The following KATNB1 variants were observed in gnomAD, a reference collection of about 807,000 sequenced individuals.
The protein encoded by KATNB1 is katanin p80 WD40 repeat-containing subunit B1.
Under a neutral mutation model 82.3 loss-of-function variants are expected in KATNB1, and 38 were observed. The observed-to-expected ratio is 0.46, with a 90% CI of 0.36 to 0.61. The LOEUF (loss-of-function observed/expected upper bound fraction) is 0.61. Among genes scored for constraint, KATNB1 ranks in the 20% least tolerant of loss-of-function variants. The pLI, the probability that KATNB1 is intolerant of heterozygous loss-of-function variation, is 0.00. For synonymous variants in KATNB1, 361 were observed against 368.7 expected, an observed-to-expected ratio of 0.98 and a Z score of 0.24; for missense variants, 749 against 915.7, an observed-to-expected ratio of 0.82 and a Z score of 2.35.
intron 4 of KATNB1, among the ~76,000 whole-genome samples, chr16:57,750,068 C>T (rs782085010): frequency 3.9e-4 from 60 of 152,334 alleles, no homozygotes; most frequent in Non-Finnish European, 7.5e-4. Context: ...AATACCACCT[C>T]CTCCATAAAG....
intron 4 of KATNB1, among the ~76,000 whole-genome samples, chr16:57,745,758 T>G (rs2049179747): frequency 6.6e-6 from 1 of 151,800 alleles, no homozygotes; most frequent in South Asian, 2.1e-4. Flanking sequence ...CTATTTCTTT[T>G]TAATAACTTG....
intron 13 of KATNB1, 105 bp from the exon 14 acceptor site, chr16:57,754,825 C>T: frequency 8.4e-7 from 1 of 1,187,590 alleles, no homozygotes; most frequent in South Asian, 1.3e-5. Context: ...CATGCTCCTG[C>T]TCCATCCCCC....
Position 57,756,589 on chromosome 16 carries a change from T to C in KATNB1, c.1835+117T>C, listed in dbSNP as rs183705389. 8.9e-5 allele frequency: 106 copies of C among 1,185,870 alleles called. No individual in the cohort carries two copies. The East Asian group carries it at 2.0e-3, about 22-fold the overall frequency. The allele number at this position is 1,185,870 out of a possible 1,614,324, so 73.5% of individuals were successfully genotyped here. On this transcript the variant is annotated intron_variant, in intron 19 of 19. Coordinates refer to ENST00000379661, the MANE Select transcript of KATNB1 (RefSeq NM_005886.3). ...GCTGGGACAGAGTACAGAGGAGGCG[T>C]TGGTCTGGGGCCATGGCTCAGGGTG...
At chr16:57,754,139 G>A (rs1015691717) in intron 13 of KATNB1, 144 bp downstream of exon 13, 2 of 703,612 alleles carry the variant, frequency 2.8e-6, no homozygotes, top group Middle Eastern at 2.4e-4. Flanking sequence ...CTGGGTCTCT[G>A]CCCTCTGCCT....
At position 57,755,645 on chromosome 16, in the gene KATNB1, A is replaced by G. The variant is rs2049270248; in HGVS notation, c.1566+151A>G. ...CGTCACACCATCTGTTTCCGCCATC[A>G]TCATCATCATCACAGACTGCCGTTT... On this transcript the variant is annotated intron_variant, in intron 16 of 19. Transcript: ENST00000379661. 9.2e-6 allele frequency: 10 copies of G among 1,088,534 alleles called. No homozygotes were observed. In the South Asian group the frequency reaches 1.2e-4, roughly 14 times the overall value. The allele number at this position is 1,088,534 out of a possible 1,614,324, so 67.4% of individuals were successfully genotyped here. A position where few individuals can be genotyped will look rare whatever the true frequency, so the allele number is the denominator to read the frequency against.
chr16:57,747,379 G>C (rs2049191198), intron 4 of KATNB1, among the ~76,000 whole-genome samples: 2 of 152,212 alleles, frequency 1.3e-5, no homozygotes, highest in East Asian at 1.9e-4. Flanking sequence ...GTTGGCGGCA[G>C]GGCAGCAGCC....
intron 4 of KATNB1, among the ~76,000 whole-genome samples, chr16:57,747,463 A>G (rs1307646415): frequency 1.3e-5 from 2 of 152,236 alleles, no homozygotes; most frequent in African/African-American, 4.8e-5. Flanking sequence ...GTGGTACTCA[A>G]TAAAGATGCA....
chr16:57,751,611 A>C lies in KATNB1; in HGVS notation c.433-30A>C. ...AGAGGTCTGTTGGGCCCAGGATCCC[A>C]GGGTGAGCTCATGCCGTGTCCTCCC... On this transcript the variant is annotated intron_variant, in intron 6 of 19. Transcript: ENST00000379661. This position sits in a 1 kb window ranked among gnomAD's most constrained non-coding sequence, Gnocchi z 6.3. 6.2e-7 allele frequency: 1 copy of C among 1,602,452 alleles called. No homozygotes were observed. Among genetic ancestry groups the C allele is most frequent in the East Asian group, 2.2e-5 (1 of 44,830 alleles).
Position 57,752,613 on chromosome 16 carries a change from G to A in KATNB1, c.704+12G>A. On this transcript the variant is annotated intron_variant, in intron 9 of 19. Coordinates refer to ENST00000379661, the MANE Select transcript of KATNB1 (RefSeq NM_005886.3). Reference sequence around the variant, plus strand: ...CCTGGGCCCGTCAGGTACGCAGGCTGTGGGGTGGGCGGCCCAGCGCTCCTC... The same window carrying A: ...CCTGGGCCCGTCAGGTACGCAGGCTATGGGGTGGGCGGCCCAGCGCTCCTC... 1 of 1,559,316 alleles carries A rather than the reference G, an allele frequency of 6.4e-7. No homozygotes were observed. Among genetic ancestry groups the A allele is most frequent in the Non-Finnish European group, 8.7e-7 (1 of 1,151,632 alleles).
intron 1 of KATNB1, 187 bp from the exon 2 acceptor site, chr16:57,736,791 T>A (rs1363509344): frequency 8.6e-6 from 3 of 350,538 alleles, no homozygotes; most frequent in East Asian, 7.3e-5. Context: ...TTCTTTTTCC[T>A]TACGTTCCAA....
intron 4 of KATNB1, among the ~76,000 whole-genome samples, chr16:57,748,007 G>A (rs1555581886): frequency 1.3e-5 from 2 of 152,130 alleles, no homozygotes; most frequent in Non-Finnish European, 2.9e-5. Flanking sequence ...ATTCAGTACT[G>A]GGGTGGGCCC....
chr16:57,736,858 C>T (rs886853158), intron 1 of KATNB1, 120 bp from the exon 2 acceptor site: 1 of 454,958 alleles, frequency 2.2e-6, no homozygotes, highest in Non-Finnish European at 4.3e-6. Flanking sequence ...TGCAGTGCAG[C>T]TTCTGACTCT....
At chr16:57,745,805 T>A (rs2049180321) in intron 4 of KATNB1, among the ~76,000 whole-genome samples, 2 of 150,968 alleles carry the variant, frequency 1.3e-5, no homozygotes, top group African/African-American at 4.9e-5. Flanking sequence ...TTTTTTTTTT[T>A]AATCTGTGTG....
chr16:57,751,145 G>A lies in KATNB1; in HGVS notation c.391-116G>A. On this transcript the variant is annotated intron_variant, in intron 5 of 19. Transcript: ENST00000379661. The surrounding 1 kb of genome is among the most constrained non-coding windows in gnomAD (Gnocchi z 6.3). ...GCAGTTTCTGTCCTTGTCTCCGTGG[G>A]GAGTAACGACCTAGAGAAGGCTGGG... 9.8e-7 allele frequency: 1 copy of A among 1,018,762 alleles called. No individual in the cohort carries two copies. Among genetic ancestry groups the A allele is most frequent in the South Asian group, 1.3e-5 (1 of 76,174 alleles). The allele number at this position is 1,018,762 out of a possible 1,614,324, so 63.1% of individuals were successfully genotyped here. A position where few individuals can be genotyped will look rare whatever the true frequency, so the allele number is the denominator to read the frequency against.
chr16:57,754,637 A>G (rs1202369515), intron 13 of KATNB1, among the ~76,000 whole-genome samples: 1 of 152,026 alleles, frequency 6.6e-6, no homozygotes, highest in Non-Finnish European at 1.5e-5. Flanking sequence ...CCATCTTGCC[A>G]GTCATCCCAG....
intron 4 of KATNB1, 34 bp downstream of exon 4, chr16:57,744,545 A>G: frequency 6.6e-7 from 1 of 1,519,804 alleles, no homozygotes. Flanking sequence ...GTGCACGCAC[A>G]CCTGCCTTAG....
chr16:57,749,307 A>G (rs1465300783), intron 4 of KATNB1, among the ~76,000 whole-genome samples: 1 of 152,234 alleles, frequency 6.6e-6, no homozygotes, highest in East Asian at 1.9e-4. Context: ...GTGACCCAAC[A>G]TGAGGCCCAA....
intron 2 of KATNB1, 54 bp downstream of exon 2, chr16:57,737,337 T>A: frequency 6.2e-7 from 1 of 1,601,742 alleles, no homozygotes. Flanking sequence ...AGCGGCTTGT[T>A]GCTGGGAGGC....
In KATNB1 at chr16:57,756,856, C is replaced by T. The variant is rs2049295592; in HGVS notation, c.1878C>T (p.Ile626=). The change falls in exon 20 of 20, where the codon ATC becomes ATT. Residue 626 remains isoleucine (I), a synonymous_variant. Coordinates refer to ENST00000379661, the MANE Select transcript of KATNB1 (RefSeq NM_005886.3). ...CRLCYKQLKS[I]SGLVKSKSGL... Reference sequence around the variant, plus strand: ...TCTGCTACAAGCAGCTTAAGAGCATCAGCGGCCTGGTCAAGAGCAAGTCAG... The same window carrying T: ...TCTGCTACAAGCAGCTTAAGAGCATTAGCGGCCTGGTCAAGAGCAAGTCAG... 1 of 1,574,262 alleles carries T rather than the reference C, an allele frequency of 6.4e-7. No individual in the cohort carries two copies. The highest frequency in any genetic ancestry group is 1.4e-5 in the African/African-American group (1 of 73,950).
Sources: allele counts gnomAD v4.1 joint callset (sites outside exome capture counted in the v4.1 genomes callset), GRCh38; gene constraint gnomAD v4.1.1; non-coding constraint Gnocchi (gnomAD v3.1); transcripts MANE v1.5; gene names NCBI Gene and HGNC (gene_info 2026-07-23, HGNC 2026-07-21).